The following SMAD3 variants were observed in gnomAD, a reference collection of about 807,000 sequenced individuals.
SMAD3 encodes MAD homolog 3.
Under a neutral mutation model 51.8 loss-of-function variants are expected in SMAD3, and 12 were observed. The ratio of observed to expected loss-of-function variants is 0.23; its 90% CI spans 0.15 to 0.38. The LOEUF (loss-of-function observed/expected upper bound fraction) is 0.38, where lower values mean the gene tolerates loss of function less well. SMAD3 is among the 10% of genes least tolerant of loss of function. The pLI is 1.00. For missense variants in SMAD3, 294 were observed against 565.6 expected (o/e 0.52, Z 4.87); for synonymous variants, 238 against 227.7 (o/e 1.05, Z -0.41).
intron 1 of SMAD3, among the ~76,000 whole-genome samples, chr15:67,074,294 A>G (rs1252794954): frequency 6.6e-6 from 1 of 152,220 alleles, no homozygotes. Context: ...ATTTTTGACT[A>G]TTCTAAGAAC....
intron 1 of SMAD3, among the ~76,000 whole-genome samples, chr15:67,115,766 A>G (rs1003928608): frequency 1.1e-4 from 16 of 152,228 alleles, no homozygotes; most frequent in South Asian, 2.1e-4. Context: ...GGCTCTGGAT[A>G]TAGTAGTGAG....
intron 1 of SMAD3, among the ~76,000 whole-genome samples, chr15:67,150,174 C>A (rs148342560): frequency 6.6e-6 from 1 of 152,144 alleles, no homozygotes; most frequent in Admixed American, 6.5e-5. Flanking sequence ...TGCCTCTCCG[C>A]GTGAATGTCA....
At chr15:67,160,615 C>G (rs948463820) in intron 1 of SMAD3, among the ~76,000 whole-genome samples, 2 of 151,828 alleles carry the variant, frequency 1.3e-5, no homozygotes, top group East Asian at 3.9e-4. Context: ...ACTAAAAATA[C>G]GAAAAATTAG....
chr15:67,142,769 C>A, intron 1 of SMAD3: 1 of 416,786 alleles, frequency 2.4e-6, no homozygotes, highest in Non-Finnish European at 4.9e-6. Flanking sequence ...CTCAACATTT[C>A]AAGGAGAAAA....
chr15:67,095,067 T>G (rs1055209774), intron 1 of SMAD3, among the ~76,000 whole-genome samples: 1 of 152,108 alleles, frequency 6.6e-6, no homozygotes, highest in African/African-American at 2.4e-5. Flanking sequence ...GCTTAGTGTT[T>G]ACCACCTTGC....
chr15:67,069,241 G>A (rs1258879189), intron 1 of SMAD3, among the ~76,000 whole-genome samples: 1 of 152,152 alleles, frequency 6.6e-6, no homozygotes, highest in African/African-American at 2.4e-5. Context: ...AAAGAGATTG[G>A]TGCCAAGGAA....
At chr15:67,105,403 G>T (rs1259943067) in intron 1 of SMAD3, among the ~76,000 whole-genome samples, 6 of 152,116 alleles carry the variant, frequency 3.9e-5, no homozygotes, top group African/African-American at 1.4e-4. Flanking sequence ...AGCTGTATGC[G>T]GTGAGTCCAG....
At chr15:67,116,809 A>G (rs990210149) in intron 1 of SMAD3, among the ~76,000 whole-genome samples, 2 of 152,214 alleles carry the variant, frequency 1.3e-5, no homozygotes, top group Non-Finnish European at 2.9e-5. Context: ...CTTCTCAGCC[A>G]TTGGGAAACC....
At position 67,154,210 on chromosome 15, in the gene SMAD3, G is replaced by A. The variant is rs149685854; in HGVS notation, c.207-10685G>A. ...GAAGAGGCCAGCTGCTGGTCTGGAG[G>A]ATGGCATAGGGGGCTGCAGCCTGGC... is the stretch of plus-strand genomic sequence containing the variant. On this transcript the variant is annotated intron_variant, in intron 1 of 8. Coordinates refer to ENST00000327367, the MANE Select transcript of SMAD3 (RefSeq NM_005902.4). 1.3e-3 allele frequency among the ~76,000 whole-genome samples: 200 copies of A among 152,298 alleles called. 1 individual carries two copies. The highest frequency in any genetic ancestry group is 4.7e-3 in the African/African-American group (195 of 41,556).
intron 1 of SMAD3, among the ~76,000 whole-genome samples, chr15:67,113,266 A>G (rs12592457): frequency 0.11 from 9,036 of 83,604 alleles, 2,718 homozygotes; most frequent in African/African-American, 0.42. Context: ...TTTTTTTTGT[A>G]TTTTTAGTAG....
chr15:67,178,633 T>C (rs1417083082), intron 5 of SMAD3, among the ~76,000 whole-genome samples: 1 of 151,446 alleles, frequency 6.6e-6, no homozygotes, highest in Non-Finnish European at 1.5e-5. Context: ...GCAGCACTGA[T>C]ACATTGCTTG....
At chr15:67,179,612 C>T (rs1452738016) in intron 5 of SMAD3, among the ~76,000 whole-genome samples, 2 of 152,130 alleles carry the variant, frequency 1.3e-5, no homozygotes, top group Admixed American at 6.6e-5. Flanking sequence ...GATCATGCAC[C>T]TAGACTCCAA....
intron 1 of SMAD3, among the ~76,000 whole-genome samples, chr15:67,139,925 C>A (rs976172633): frequency 6.7e-6 from 1 of 149,890 alleles, no homozygotes; most frequent in Non-Finnish European, 1.5e-5. Context: ...TCAAGACCAG[C>A]CTGACCAACA....
At chr15:67,075,820 C>A (rs1400461708) in intron 1 of SMAD3, among the ~76,000 whole-genome samples, 2 of 151,418 alleles carry the variant, frequency 1.3e-5, no homozygotes, top group Non-Finnish European at 2.9e-5. Context: ...GAGGCTGAGA[C>A]AGGAGAATTG....
chr15:67,185,576 G>T (rs1251650113), intron 7 of SMAD3, among the ~76,000 whole-genome samples: 2 of 152,172 alleles, frequency 1.3e-5, no homozygotes, highest in African/African-American at 2.4e-5. Flanking sequence ...GCCGTGGAAG[G>T]ACACCAGAGA....
chr15:67,192,408 TGA>T lies in SMAD3; in HGVS notation c.*1876_*1877del, dbSNP rs1963389641. 4.3e-6 allele frequency: 1 copy of T among 233,254 alleles called. No homozygotes were observed. The highest frequency in any genetic ancestry group is 8.5e-6 in the Non-Finnish European group (1 of 118,040). 14.4% of individuals were successfully genotyped at this position (233,254 alleles called of 1,614,324 possible). A position where few individuals can be genotyped will look rare whatever the true frequency, so the allele number is the denominator to read the frequency against. On this transcript the variant is annotated 3_prime_UTR_variant, in exon 9 of 9. Coordinates refer to ENST00000327367, the MANE Select transcript of SMAD3 (RefSeq NM_005902.4). ...ACAATACAAAACCCCTCACTTCCTC[TGA>T]GAGGGCCAAATGCTGTGAGTCTGAA...
intron 1 of SMAD3, among the ~76,000 whole-genome samples, chr15:67,140,675 T>C (rs1961794027): frequency 6.6e-6 from 1 of 152,202 alleles, no homozygotes; most frequent in Non-Finnish European, 1.5e-5. Flanking sequence ...CCAACTGTCC[T>C]GAACAAACGG....
At chr15:67,152,135 C>A (rs766776695) in intron 1 of SMAD3, among the ~76,000 whole-genome samples, 13 of 152,190 alleles carry the variant, frequency 8.5e-5, no homozygotes, top group Non-Finnish European at 1.8e-4. Context: ...CTCCCCATCC[C>A]TCTGTTCCCT....
intron 1 of SMAD3, among the ~76,000 whole-genome samples, chr15:67,083,853 A>T (rs1960327842): frequency 6.6e-6 from 1 of 152,200 alleles, no homozygotes; most frequent in Non-Finnish European, 1.5e-5. Flanking sequence ...GCAAGTGAAC[A>T]AATAAAATGA....
Sources: allele counts gnomAD v4.1 joint callset (sites outside exome capture counted in the v4.1 genomes callset), GRCh38; gene constraint gnomAD v4.1.1; transcripts MANE v1.5; gene names NCBI Gene and HGNC (gene_info 2026-07-23, HGNC 2026-07-21).